UBA6: variants seen among roughly 807,000 people sequenced by gnomAD.
UBA6 encodes the protein ubiquitin like modifier activating enzyme 6, also known as ubiquitin-like modifier-activating enzyme 6.
UBA6 carries 87 observed loss-of-function variants against 148.3 expected under a neutral mutation model. The observed-to-expected ratio is 0.59, with a 90% CI of 0.49 to 0.70. UBA6 has a LOEUF of 0.70. UBA6 is among the 30% of genes least tolerant of loss of function. The probability of loss-of-function intolerance (pLI) is 0.00; values close to 1 mark genes in which losing one functional copy is unlikely to be tolerated. For missense variants in UBA6, 1,186 were observed against 1,241.2 expected (o/e 0.96, Z 0.67); for synonymous variants, 376 against 401.0 (o/e 0.94, Z 0.75).
At chr4:67,636,582 C>T (rs1046350763) in intron 19 of UBA6, among the ~76,000 whole-genome samples, 5 of 152,176 alleles carry the variant, frequency 3.3e-5, no homozygotes, top group Admixed American at 6.5e-5. Context: ...TTGGTGGAGA[C>T]GGGGTTTTGC....
At chr4:67,699,522 C>T (rs1054375748) in intron 1 of UBA6, among the ~76,000 whole-genome samples, 2 of 151,224 alleles carry the variant, frequency 1.3e-5, no homozygotes, top group African/African-American at 2.4e-5. Context: ...AAGAGATCAC[C>T]TACCTAATAA....
At chr4:67,679,443 A>G (rs2711145) in intron 4 of UBA6, among the ~76,000 whole-genome samples, 76,143 of 151,882 alleles carry the variant, frequency 0.5, 19,608 homozygotes, top group Middle Eastern at 0.61. Context: ...AAAGCAAAAC[A>G]AATACATGGA....
At chr4:67,631,675 G>A (rs1159811829) in intron 25 of UBA6, 33 bp downstream of exon 25, 2 of 1,475,396 alleles carry the variant, frequency 1.4e-6, no homozygotes, top group Non-Finnish European at 1.9e-6. Context: ...AATATATAAT[G>A]AAGGATACAT....
intron 22 of UBA6, among the ~76,000 whole-genome samples, chr4:67,634,033 C>A (rs1317681566): frequency 6.6e-6 from 1 of 151,964 alleles, no homozygotes; most frequent in Non-Finnish European, 1.5e-5. Context: ...TTTTGTGAGT[C>A]GAACATGCTC....
intron 27 of UBA6, among the ~76,000 whole-genome samples, chr4:67,627,316 T>C (rs1158697980): frequency 6.6e-6 from 1 of 151,980 alleles, no homozygotes; most frequent in Non-Finnish European, 1.5e-5. Context: ...TTGATATTTT[T>C]GGCTGTGACA....
At chr4:67,624,071 G>A in intron 30 of UBA6, 55 bp downstream of exon 30, 2 of 1,411,826 alleles carry the variant, frequency 1.4e-6, no homozygotes, top group Non-Finnish European at 1.9e-6. Context: ...CTTTTAAAAG[G>A]TAAAATATTT....
At position 67,649,082 on chromosome 4, in the gene UBA6, G is replaced by T. The variant is rs1729491099; in HGVS notation, c.1234C>A (p.Pro412Thr). 3.7e-6 allele frequency: 6 copies of T among 1,613,468 alleles called. No individual in the cohort carries two copies. The highest frequency in any genetic ancestry group is 5.1e-6 in the Non-Finnish European group (6 of 1,179,768). The change falls in exon 14 of 33, where the codon CCT becomes ACT. Residue 412 changes from proline to threonine, a missense_variant. Pro to Thr is a conservative substitution (Grantham distance 38). Coordinates refer to ENST00000322244, the MANE Select transcript of UBA6 (RefSeq NM_018227.6). Reference protein sequence around the residue: ...VLKAVTGKFSPLCQWLYLEAA... With the variant: ...VLKAVTGKFSTLCQWLYLEAA... ...TCAGAACTAACCCACTGGCACAAAG[G>T]AGAAAATTTTCCTGTTACAGCTTTC...
intron 12 of UBA6, 166 bp downstream of exon 12, chr4:67,662,973 C>A: frequency 4.6e-6 from 2 of 436,334 alleles, no homozygotes; most frequent in Non-Finnish European, 4.1e-6. Flanking sequence ...CAAATTTCTC[C>A]ACTCCCACCA....
intron 23 of UBA6, 134 bp from the exon 24 acceptor site, chr4:67,632,042 C>G (rs978436919): frequency 1.3e-6 from 1 of 774,168 alleles, no homozygotes; most frequent in African/African-American, 1.8e-5. Context: ...AAAAGAGACA[C>G]AGTGAAGTCT....
chr4:67,686,981 A>AC (rs1560501529), intron 2 of UBA6, among the ~76,000 whole-genome samples: 1 of 136,370 alleles, frequency 7.3e-6, no homozygotes, highest in Non-Finnish European at 1.6e-5. Context: ...AAAAAAAAAA[A>AC]AAAAAAAAAT....
At chr4:67,626,336 A>C (rs1312806732) in intron 28 of UBA6, 24 bp downstream of exon 28, 1 of 1,500,020 alleles carries the variant, frequency 6.7e-7, no homozygotes, top group Non-Finnish European at 9.3e-7. Context: ...AGTTCAAAAC[A>C]TTTTTATAAA....
At chr4:67,683,767 C>G (rs989470670) in intron 2 of UBA6, among the ~76,000 whole-genome samples, 44 of 152,064 alleles carry the variant, frequency 2.9e-4, no homozygotes, top group African/African-American at 1.0e-3. Flanking sequence ...CAGTGCCAAA[C>G]TGTTTTCCAA....
chr4:67,622,072 G>GT (rs2109893001), intron 32 of UBA6, among the ~76,000 whole-genome samples: 1 of 152,286 alleles, frequency 6.6e-6, no homozygotes, highest in African/African-American at 2.4e-5. Context: ...CATGATTAGA[G>GT]TGAGTATTCA....
intron 29 of UBA6, 70 bp downstream of exon 29, chr4:67,624,924 G>T: frequency 7.9e-7 from 1 of 1,259,136 alleles, no homozygotes. Context: ...TGACTGGGTT[G>T]GTATGACGGG....
chr4:67,639,986 T>C (rs558942822), intron 18 of UBA6, among the ~76,000 whole-genome samples: 28 of 152,342 alleles, frequency 1.8e-4, no homozygotes, highest in Non-Finnish European at 3.5e-4. Context: ...TAATTTATTC[T>C]TTCTTTTCTT....
intron 8 of UBA6, among the ~76,000 whole-genome samples, chr4:67,670,073 T>G (rs141929307): frequency 9.7e-4 from 147 of 152,182 alleles, no homozygotes; most frequent in African/African-American, 3.4e-3. Flanking sequence ...CTCAGCCTCC[T>G]TAGTAGCTGG....
At position 67,622,906 on chromosome 4, in the gene UBA6, G is replaced by A. The variant is rs1466724278; in HGVS notation, c.2948C>T (p.Pro983Leu). 2 of 1,611,252 alleles carry A rather than the reference G, an allele frequency of 1.2e-6. No individual in the cohort carries two copies. Among genetic ancestry groups the A allele is most frequent in the African/African-American group, 1.3e-5 (1 of 74,738 alleles). The change falls in exon 32 of 33, where the codon CCA becomes CTA. Residue 983 changes from proline to leucine, a missense_variant. By Grantham distance (98) the Pro-to-Leu change is moderately conservative (BLOSUM62 -3). Coordinates refer to ENST00000322244, the MANE Select transcript of UBA6 (RefSeq NM_018227.6). ...TTTGACTCCCTGTACCACCATTGTT[G>A]GCTCAATTCCATACTTCTCCTAAAA... ...NAVKEKYGIE[P>L]TMVVQGVKML...
At position 67,629,219 on chromosome 4, in the gene UBA6, C is replaced by T; in HGVS notation, c.2329-77G>A. ...AGCTAAAAATATCCTACAAAAGGTC[C>T]TTAATCATATTACAATATATGAATA... On this transcript the variant is annotated intron_variant, in intron 26 of 32. Transcript: ENST00000322244. 3 of 902,862 alleles carry T rather than the reference C, an allele frequency of 3.3e-6. No homozygotes were observed. In the South Asian group the frequency reaches 4.0e-5, roughly 12 times the overall value. The allele number at this position is 902,862 out of a possible 1,614,324, so 55.9% of individuals were successfully genotyped here. A position where few individuals can be genotyped will look rare whatever the true frequency, so the allele number is the denominator to read the frequency against.
At chr4:67,644,589 A>G (rs1370888217) in intron 17 of UBA6, 109 bp downstream of exon 17, 1 of 624,026 alleles carries the variant, frequency 1.6e-6, no homozygotes, top group Non-Finnish European at 2.9e-6. Context: ...TTTTAGTTTA[A>G]TGCTCTATTT....
Sources: allele counts gnomAD v4.1 joint callset (sites outside exome capture counted in the v4.1 genomes callset), GRCh38; gene constraint gnomAD v4.1.1; transcripts MANE v1.5; gene names NCBI Gene and HGNC (gene_info 2026-07-23, HGNC 2026-07-21).